Variants in PARD3B observed in about 807,000 individuals in gnomAD.
PARD3B encodes partitioning defective 3 homolog B.
PARD3B carries 103 observed loss-of-function variants against 130.2 expected under a neutral mutation model. The ratio of observed to expected loss-of-function variants is 0.79; its 90% CI spans 0.67 to 0.93. The LOEUF is 0.93. Ranked by LOEUF, PARD3B falls within the 40% of genes least tolerant of loss-of-function variation. PARD3B has a pLI of 0.00. For synonymous variants in PARD3B, 583 were observed against 553.2 expected (o/e 1.05, Z -0.76); for missense variants, 1,609 against 1,499.2 (o/e 1.07, Z -1.21).
chr2:204,638,729 A>G (rs1196690450), intron 1 of PARD3B, among the ~76,000 whole-genome samples: 1 of 152,186 alleles, frequency 6.6e-6, no homozygotes, highest in Non-Finnish European at 1.5e-5. Context: ...ATTGTACCTC[A>G]TGTTTAGCAT....
At chr2:205,120,183 T>C (rs1453089980) in intron 7 of PARD3B, among the ~76,000 whole-genome samples, 1 of 152,170 alleles carries the variant, frequency 6.6e-6, no homozygotes, top group Non-Finnish European at 1.5e-5. Context: ...CTATAGTTAG[T>C]AATAATTTTT....
intron 2 of PARD3B, among the ~76,000 whole-genome samples, chr2:204,898,467 T>C (rs1242541618): frequency 2.6e-5 from 4 of 152,140 alleles, no homozygotes; most frequent in Admixed American, 6.5e-5. Context: ...TTTTATTCCA[T>C]TGTGGTCAGG....
intron 22 of PARD3B, among the ~76,000 whole-genome samples, chr2:205,596,588 A>G (rs767221916): frequency 2.6e-5 from 4 of 152,176 alleles, no homozygotes; most frequent in Non-Finnish European, 5.9e-5. Context: ...CTTAGATTCT[A>G]CATCAAAATT....
intron 18 of PARD3B, among the ~76,000 whole-genome samples, chr2:205,349,373 GT>G (rs1327155796): frequency 6.6e-6 from 1 of 152,178 alleles, no homozygotes; most frequent in Non-Finnish European, 1.5e-5. Flanking sequence ...CTCACTTGGT[GT>G]TTGTTTATCC....
In PARD3B at chr2:204,761,229, G is replaced by T. The variant is rs114455754; in HGVS notation, c.222+74947G>T. The stretch of plus-strand genomic sequence containing the variant: ...TTAGCCAACAGATCAAAATTCTAAA[G>T]AATTTATTTTAGTGTTTCATCATCT... On this transcript the variant is annotated intron_variant, in intron 2 of 22. Coordinates refer to ENST00000406610, the MANE Select transcript of PARD3B (RefSeq NM_001302769.2). 1.8e-3 allele frequency among the ~76,000 whole-genome samples: 272 copies of T among 152,176 alleles called. 1 individual carries two copies. The highest frequency in any genetic ancestry group is 6.8e-3 in the Middle Eastern group (2 of 294).
chr2:205,065,548 G>A (rs1280658886), intron 4 of PARD3B, among the ~76,000 whole-genome samples: 1 of 152,142 alleles, frequency 6.6e-6, no homozygotes, highest in Non-Finnish European at 1.5e-5. Flanking sequence ...GGTCCCCAGT[G>A]TAGCCGTGTT....
intron 3 of PARD3B, among the ~76,000 whole-genome samples, chr2:205,036,559 C>T (rs1196359061): frequency 2.0e-5 from 3 of 147,684 alleles, no homozygotes; most frequent in Non-Finnish European, 3.0e-5. Flanking sequence ...ATATACACAG[C>T]GGACTATATG....
intron 3 of PARD3B, among the ~76,000 whole-genome samples, chr2:205,006,900 A>G (rs1695308209): frequency 1.3e-5 from 2 of 152,190 alleles, no homozygotes; most frequent in Non-Finnish European, 2.9e-5. Context: ...ACCAATGTCC[A>G]GAAGCATTTT....
intron 10 of PARD3B, among the ~76,000 whole-genome samples, chr2:205,135,854 A>G (rs2032437416): frequency 6.6e-6 from 1 of 152,184 alleles, no homozygotes; most frequent in Non-Finnish European, 1.5e-5. Context: ...AAGATGTTCA[A>G]GTACACATCA....
In PARD3B at chr2:205,377,763, A is replaced by ATTTTT. The variant is rs3048124; in HGVS notation, c.2631-23230_2631-23226dup. Among the ~76,000 whole-genome samples the ATTTTT allele has an allele frequency of 9.2e-4, 108 of 117,450 alleles. 1 individual carries two copies. The highest frequency in any genetic ancestry group is 1.4e-3 in the Non-Finnish European group (83 of 59,610). 77.1% of individuals were successfully genotyped at this position (117,450 alleles called of 152,430 possible). The stretch of plus-strand genomic sequence containing the variant: ...ACCAAGTATCACATGGTGTAATCCA[A>ATTTTT]TTTTTTTTTTTTTTTTTTTTTTTTG... On this transcript the variant is annotated intron_variant, in intron 18 of 22. Transcript: ENST00000406610.
At chr2:205,468,809 A>G (rs1575097742) in intron 20 of PARD3B, among the ~76,000 whole-genome samples, 1 of 152,172 alleles carries the variant, frequency 6.6e-6, no homozygotes, top group Admixed American at 6.5e-5. Flanking sequence ...AGCTCCCTAC[A>G]TGCATTTCCT....
chr2:204,892,580 A>G (rs2046488909), intron 2 of PARD3B, among the ~76,000 whole-genome samples: 2 of 152,210 alleles, frequency 1.3e-5, no homozygotes. Context: ...ATCATCTGAT[A>G]TATAATTACA....
chr2:204,555,706 C>T (rs924271704), intron 1 of PARD3B, among the ~76,000 whole-genome samples: 2 of 152,188 alleles, frequency 1.3e-5, no homozygotes, highest in African/African-American at 4.8e-5. Flanking sequence ...GTCTGTTCTC[C>T]TGTCTCAGTC....
intron 2 of PARD3B, among the ~76,000 whole-genome samples, chr2:204,708,335 C>T (rs997106206): frequency 6.6e-5 from 10 of 152,044 alleles, no homozygotes; most frequent in Non-Finnish European, 1.2e-4. Context: ...GTGTTTATGA[C>T]ACACATGATT....
Position 205,037,283 on chromosome 2 carries a change from TATATATAGTGGACTATTTGTATAAA to T in PARD3B, c.395-10290_395-10266del, listed in dbSNP as rs1187797847. 1.7e-4 allele frequency among the ~76,000 whole-genome samples: 22 copies of T among 129,310 alleles called. No individual in the cohort carries two copies. In the South Asian group the frequency reaches 4.4e-3, roughly 26 times the overall value. 84.8% of individuals were successfully genotyped at this position (129,310 alleles called of 152,430 possible). A position where few individuals can be genotyped will look rare whatever the true frequency, so the allele number is the denominator to read the frequency against. Reference sequence around the variant, plus strand: ...TAGTGGACTATTTGTATAAAATATATATATATAGTGGACTATTTGTATAAAATATATATAGTGGACTATTTGTATA... The same window carrying T: ...TAGTGGACTATTTGTATAAAATATATATATATATAGTGGACTATTTGTATA... On this transcript the variant is annotated intron_variant, in intron 3 of 22. Transcript: ENST00000406610.
chr2:205,169,310 C>G (rs1007040896), intron 11 of PARD3B, among the ~76,000 whole-genome samples: 6 of 152,134 alleles, frequency 3.9e-5, no homozygotes, highest in Admixed American at 3.9e-4. Flanking sequence ...TTCAGCTGCC[C>G]TGAGGTGACC....
At chr2:204,806,837 G>A (rs1218720605) in intron 2 of PARD3B, among the ~76,000 whole-genome samples, 1 of 152,080 alleles carries the variant, frequency 6.6e-6, no homozygotes, top group Non-Finnish European at 1.5e-5. Flanking sequence ...CAAAAGATTT[G>A]AATAGTCATT....
At chr2:204,646,627 T>G (rs1474940026) in intron 1 of PARD3B, among the ~76,000 whole-genome samples, 2 of 152,022 alleles carry the variant, frequency 1.3e-5, no homozygotes, top group East Asian at 3.9e-4. Context: ...TTATCTTCCT[T>G]AATTTATAGA....
chr2:205,091,722 G>T lies in PARD3B; in HGVS notation c.505-12704G>T, dbSNP rs746882860. Among the ~76,000 whole-genome samples the T allele has an allele frequency of 2.6e-5, 4 of 152,086 alleles. No homozygotes were observed. Among genetic ancestry groups the T allele is most frequent in the Non-Finnish European group, 5.9e-5 (4 of 68,010 alleles). On this transcript the variant is annotated intron_variant, in intron 4 of 22. Coordinates refer to ENST00000406610, the MANE Select transcript of PARD3B (RefSeq NM_001302769.2). The surrounding 1 kb of genome is among the most constrained non-coding windows in gnomAD (Gnocchi z 4.2). ...GCAGTGTGTTTGGGATCTTGCTGGT[G>T]CTCAGTTGAGTTGAATTATAGAACA...
Sources: allele counts gnomAD v4.1 joint callset (sites outside exome capture counted in the v4.1 genomes callset), GRCh38; gene constraint gnomAD v4.1.1; non-coding constraint Gnocchi (gnomAD v3.1); transcripts MANE v1.5; gene names NCBI Gene and HGNC (gene_info 2026-07-23, HGNC 2026-07-21).